MED23: variants seen among roughly 807,000 people sequenced by gnomAD.
MED23 encodes mediator of RNA polymerase II transcription subunit 23.
MED23 carries 105 observed loss-of-function variants against 163.9 expected under a neutral mutation model. The ratio of observed to expected loss-of-function variants is 0.64; its 90% CI spans 0.55 to 0.75. MED23 has a LOEUF of 0.75. Among genes scored for constraint, MED23 ranks in the 30% least tolerant of loss-of-function variants. The pLI is 0.00. For synonymous variants in MED23, 561 were observed against 565.6 expected (o/e 0.99, Z 0.12); for missense variants, 1,054 against 1,649.0 (o/e 0.64, Z 6.25).
Position 131,587,584 on chromosome 6 carries a change from A to G in MED23, c.*95T>C. On this transcript the variant is annotated 3_prime_UTR_variant, in exon 29 of 29. Transcript: ENST00000368068. ...TCTGAATATCATCACTGCTTCTACTATATCACTACAGTGTGATCGCATTCA... is the reference window on the plus strand; with the variant it reads ...TCTGAATATCATCACTGCTTCTACTGTATCACTACAGTGTGATCGCATTCA... The G allele has an allele frequency of 1.3e-6, 2 of 1,590,122 alleles. No individual in the cohort carries two copies. Among genetic ancestry groups the G allele is most frequent in the Non-Finnish European group, 1.7e-6 (2 of 1,167,272 alleles).
At chr6:131,625,824 A>G (rs1777444837) in intron 3 of MED23, among the ~76,000 whole-genome samples, 1 of 152,104 alleles carries the variant, frequency 6.6e-6, no homozygotes, top group South Asian at 2.1e-4. Flanking sequence ...GTGAGGTTAT[A>G]AGAAAAAGAT....
rs908162179 is a variant in MED23 at position 131,628,160 on chromosome 6, C to T, written c.-111G>A. ...AGACCTCTGGAGGAAACCGTAGCTC[C>T]TCGGCGTCGCTTCCTCCCCCAGCGC... On this transcript the variant is annotated 5_prime_UTR_variant, in exon 1 of 29. Coordinates refer to ENST00000368068, the MANE Select transcript of MED23 (RefSeq NM_004830.4). 1.6e-6 allele frequency: 2 copies of T among 1,257,932 alleles called. No individual in the cohort carries two copies. Among genetic ancestry groups the T allele is most frequent in the East Asian group, 2.3e-5 (1 of 43,102 alleles). 77.9% of individuals were successfully genotyped at this position (1,257,932 alleles called of 1,614,324 possible).
In MED23 at chr6:131,619,883, A is replaced by G; in HGVS notation, c.611T>C (p.Leu204Pro). ...GAAGGTATCCACAAAGTCTGATACT[A>G]GGTTTCCAAGTAACTAAAGAGAGAA... ...GKLPHWLLGN[L>P]VSDFVDTFRP... The change falls in exon 8 of 29, where the codon CTA (leucine) becomes CCA (proline). Residue 204 changes from leucine (L) to proline (P), a missense_variant. By Grantham distance (98) the Leu-to-Pro change is moderately conservative. Coordinates refer to ENST00000368068, the MANE Select transcript of MED23 (RefSeq NM_004830.4). 6.2e-7 allele frequency: 1 copy of G among 1,609,982 alleles called. No homozygotes were observed. Among genetic ancestry groups the G allele is most frequent in the Non-Finnish European group, 8.5e-7 (1 of 1,176,792 alleles).
intron 30 of MED23, chr6:131,579,248 A>T: frequency 6.2e-7 from 1 of 1,614,136 alleles, no homozygotes; most frequent in Non-Finnish European, 8.5e-7. Flanking sequence ...AGTCAAGAAG[A>T]ACGGAAGAAT....
Position 131,605,422 on chromosome 6 carries a change from C to T in MED23, c.1431G>A (p.Leu477=), listed in dbSNP as rs1775782921. 1 of 1,611,748 alleles carries T rather than the reference C, an allele frequency of 6.2e-7. No homozygotes were observed. Among genetic ancestry groups the T allele is most frequent in the South Asian group, 1.1e-5 (1 of 90,992 alleles). Residue 477 remains leucine, a synonymous_variant, in exon 14 of 29, where the codon TTG becomes TTA. Coordinates refer to ENST00000368068, the MANE Select transcript of MED23 (RefSeq NM_004830.4). The part of the protein sequence containing the change: ...LQMNDYKIAL[L]CNAYSTNSEC... ...CTGAATTTGTAGAGTATGCATTACA[C>T]AATAGAGCAATCTTATAGTCATTCA...
downstream of MED23, chr6:131,582,814 GAC>G (rs75155115): frequency 6.4e-3 from 5,516 of 860,522 alleles, no homozygotes; most frequent in East Asian, 0.012. Context: ...TAAACATCAA[GAC>G]ACACACACAC....
At chr6:131,594,715 T>C (rs1011439187) in intron 22 of MED23, among the ~76,000 whole-genome samples, 2 of 152,184 alleles carry the variant, frequency 1.3e-5, no homozygotes, top group African/African-American at 4.8e-5. Flanking sequence ...AAATCTGGCA[T>C]GTATGAGGCA....
chr6:131,583,964 C>A, downstream of MED23: 1 of 1,581,128 alleles, frequency 6.3e-7, no homozygotes, highest in South Asian at 1.1e-5. Flanking sequence ...GAAAGCTAAT[C>A]ATTTTCTTAA....
At chr6:131,612,027 CA>C (rs1300324921) in intron 10 of MED23, among the ~76,000 whole-genome samples, 2 of 151,942 alleles carry the variant, frequency 1.3e-5, no homozygotes, top group Non-Finnish European at 2.9e-5. Flanking sequence ...AAAGCAAGAA[CA>C]ACTAGGAAAT....
intron 10 of MED23, among the ~76,000 whole-genome samples, chr6:131,611,576 A>T (rs1218884723): frequency 1.3e-5 from 2 of 152,202 alleles, no homozygotes; most frequent in African/African-American, 4.8e-5. Flanking sequence ...TTCTTAAATC[A>T]GCATGCAAAA....
chr6:131,574,352 T>A (rs1773512231), intron 30 of MED23: 1 of 1,602,296 alleles, frequency 6.2e-7, no homozygotes, highest in East Asian at 2.2e-5. Context: ...ATTTGGACTG[T>A]CAGTAAATAC....
At chr6:131,606,368 A>T in intron 13 of MED23, 111 bp downstream of exon 13, 2 of 1,075,618 alleles carry the variant, frequency 1.9e-6, no homozygotes, top group Non-Finnish European at 2.8e-6. Flanking sequence ...CCTTACCTAT[A>T]GTGGGTATGC....
downstream of MED23, chr6:131,583,637 G>A (rs770684425): frequency 3.6e-5 from 54 of 1,517,788 alleles, no homozygotes; most frequent in Non-Finnish European, 4.5e-5. Flanking sequence ...GTTTTCCATC[G>A]GTTACTACCT....
intron 10 of MED23, chr6:131,615,294 C>T: frequency 6.2e-7 from 1 of 1,607,852 alleles, no homozygotes; most frequent in Non-Finnish European, 8.5e-7. Flanking sequence ...TATCGTTAGT[C>T]ACAATACAAC....
Position 131,587,882 on chromosome 6 carries a change from C to T in MED23, c.3940-36G>A, listed in dbSNP as rs1418631156. 6 of 1,544,556 alleles carry T rather than the reference C, an allele frequency of 3.9e-6. No homozygotes were observed. The Admixed American group carries it at 5.5e-5, about 14-fold the overall frequency. On this transcript the variant is annotated intron_variant, in intron 28 of 28. Coordinates refer to ENST00000368068, the MANE Select transcript of MED23 (RefSeq NM_004830.4). ...AAAACACATTAAAACGTACTTTAAT[C>T]AGAGAATTTCAACTTCTCACATTTA...
chr6:131,606,049 A>G (rs1775831098), intron 13 of MED23, among the ~76,000 whole-genome samples: 1 of 152,194 alleles, frequency 6.6e-6, no homozygotes, highest in Non-Finnish European at 1.5e-5. Flanking sequence ...CAACTTTGGA[A>G]GAGATATTAA....
intron 12 of MED23, 31 bp from the exon 13 acceptor site, chr6:131,606,655 A>G: frequency 6.5e-7 from 1 of 1,534,602 alleles, no homozygotes; most frequent in Non-Finnish European, 9.0e-7. Flanking sequence ...AAATAACACA[A>G]TAGAAGAAAG....
intron 15 of MED23, 45 bp downstream of exon 15, chr6:131,604,133 A>C (rs747204039): frequency 6.2e-7 from 1 of 1,606,534 alleles, no homozygotes. Flanking sequence ...CTTTAGAGTT[A>C]ATGAATGGGT....
rs143786923 is a variant in MED23, at chr6:131,589,160, A to G, written c.3939+305T>C. ...ACAACCTCTCTGCTCATATTTCAGCAGCCATATCCCACTGTTTCTCCCTAA... is the reference window on the plus strand; with the variant it reads ...ACAACCTCTCTGCTCATATTTCAGCGGCCATATCCCACTGTTTCTCCCTAA... On this transcript the variant is annotated intron_variant, in intron 28 of 28. Coordinates refer to ENST00000368068, the MANE Select transcript of MED23 (RefSeq NM_004830.4). 6.7e-3 allele frequency among the ~76,000 whole-genome samples: 1,015 copies of G among 152,294 alleles called. 2 individuals are homozygous for G. Among genetic ancestry groups the G allele is most frequent in the Middle Eastern group, 0.024 (7 of 294 alleles).
Sources: gnomAD v4.1 joint callset for allele counts (sites outside exome capture counted in the v4.1 genomes callset) on GRCh38, gnomAD v4.1.1 for gene constraint, MANE v1.5 for transcripts, NCBI Gene and HGNC (gene_info 2026-07-23, HGNC 2026-07-21) for gene names.